TMEM260: variants seen among roughly 807,000 people sequenced by gnomAD.
TMEM260 encodes protein O-mannosyl-transferase TMEM260.
Under a neutral mutation model 88.9 loss-of-function variants are expected in TMEM260, and 82 were observed. The ratio of observed to expected loss-of-function variants is 0.92; its 90% CI spans 0.77 to 1.11. TMEM260 has a LOEUF of 1.11. Ranked by LOEUF, TMEM260 falls within the 50% of genes least tolerant of loss-of-function variation. The pLI is 0.00. For synonymous variants in TMEM260, 314 were observed against 309.3 expected (o/e 1.02, Z -0.16); for missense variants, 902 against 853.4 (o/e 1.06, Z -0.71).
chr14:56,638,939 T>C (rs1889345721), intron 15 of TMEM260, among the ~76,000 whole-genome samples: 1 of 152,140 alleles, frequency 6.6e-6, no homozygotes. Flanking sequence ...CGAAGAATGA[T>C]GGGCTTCTCA....
rs556734515 is a variant in TMEM260 at position 56,612,639 on chromosome 14, T to C, written c.857+354T>C. The C allele has an allele frequency of 4.7e-5, 9 of 191,192 alleles. No homozygotes were observed. In the South Asian group the frequency reaches 1.2e-3, roughly 26 times the overall value. The allele number at this position is 191,192 out of a possible 1,614,324, so 11.8% of individuals were successfully genotyped here. On this transcript the variant is annotated intron_variant, in intron 7 of 15. Transcript: ENST00000261556. ...TAAATAGTTGTTATGCTGTATTGTC[T>C]AGGGAATTATGACAAGAAAAAACAT... is the stretch of plus-strand genomic sequence containing the variant.
intron 7 of TMEM260, 124 bp downstream of exon 7, chr14:56,612,409 T>G: frequency 1.2e-6 from 1 of 804,720 alleles, no homozygotes; most frequent in Admixed American, 2.2e-5. Context: ...TTGTTACCTC[T>G]ACAGTTAACA....
At chr14:56,596,825 G>A (rs2139531631) in intron 3 of TMEM260, among the ~76,000 whole-genome samples, 2 of 146,434 alleles carry the variant, frequency 1.4e-5, no homozygotes, top group Non-Finnish European at 3.0e-5. Context: ...ACACCAATAT[G>A]CTGATAGGTT....
At chr14:56,583,038 A>G (rs1476442190) in intron 1 of TMEM260, among the ~76,000 whole-genome samples, 3 of 152,208 alleles carry the variant, frequency 2.0e-5, no homozygotes, top group Admixed American at 2.0e-4. Flanking sequence ...TTAATGTTAA[A>G]TGTAATTCTG....
At chr14:56,604,075 C>T (rs1886742260) in intron 4 of TMEM260, 83 bp downstream of exon 4, 3 of 1,327,680 alleles carry the variant, frequency 2.3e-6, no homozygotes, top group Non-Finnish European at 2.0e-6. Flanking sequence ...GGCTTAAATA[C>T]CTTTTATCTA....
chr14:56,618,723 GC>G lies in TMEM260; in HGVS notation c.1187del (p.Ala396GlufsTer5). Reference protein sequence around the residue: ...NGLQCLEWLSATLFVVYQIYS... With the variant: ...NGLQCLEWLSXTLFVVYQIYS... ...GCTTCAGTGTCTGGAATGGCTTTCT[GC>G]AACTCTTTTTGTAGTTTACCAAATA... On this transcript the variant is annotated frameshift_variant, in exon 10 of 16. Coordinates refer to ENST00000261556, the MANE Select transcript of TMEM260 (RefSeq NM_017799.4). LOFTEE classifies it high-confidence loss of function. 3 of 1,614,130 alleles carry G rather than the reference GC, an allele frequency of 1.9e-6. No individual in the cohort carries two copies. Among genetic ancestry groups the G allele is most frequent in the Non-Finnish European group, 2.5e-6 (3 of 1,180,016 alleles).
intron 1 of TMEM260, 152 bp from the exon 2 acceptor site, chr14:56,584,849 T>TA: frequency 1.6e-6 from 1 of 606,478 alleles, no homozygotes; most frequent in Non-Finnish European, 2.9e-6. Context: ...AAAATATTCT[T>TA]AGACTATTTC....
Position 56,649,185 on chromosome 14 carries a change from C to A in TMEM260, c.*1688C>A, listed in dbSNP as rs1890135435. The A allele has an allele frequency of 6.6e-6, 1 of 152,606 alleles. No homozygotes were observed. The highest frequency in any genetic ancestry group is 1.5e-5 in the Non-Finnish European group (1 of 68,038). The allele number at this position is 152,606 out of a possible 1,614,324, so 9.5% of individuals were successfully genotyped here. ...ATTAATCCGCTTTTGGCTCTCAGTG[C>A]CTTTTGCCCTTTTATCACAGCCTTA... On this transcript the variant is annotated 3_prime_UTR_variant, in exon 16 of 16. Coordinates refer to ENST00000261556, the MANE Select transcript of TMEM260 (RefSeq NM_017799.4).
chr14:56,599,496 A>G (rs950068174), intron 3 of TMEM260, among the ~76,000 whole-genome samples: 10 of 152,116 alleles, frequency 6.6e-5, no homozygotes, highest in Admixed American at 3.3e-4. Context: ...TCCATAACAG[A>G]TGTTTCAAGT....
Position 56,585,734 on chromosome 14 carries a change from T to TTC in TMEM260, c.193-25_193-24dup, listed in dbSNP as rs777897605. ...ACTCTTCCTTTCCTAGATGAAAACC[T>TTC]TCTAACTGTTGCTAATTTTTCCGTA... On this transcript the variant is annotated intron_variant, in intron 2 of 15. Transcript: ENST00000261556. The TTC allele has an allele frequency of 3.7e-6, 6 of 1,608,368 alleles. No individual in the cohort carries two copies. In the East Asian group the frequency reaches 1.3e-4, roughly 36 times the overall value.
chr14:56,606,836 A>G (rs1044454087), intron 5 of TMEM260, among the ~76,000 whole-genome samples: 1 of 152,238 alleles, frequency 6.6e-6, no homozygotes, highest in Non-Finnish European at 1.5e-5. Flanking sequence ...AGGAGGTTGC[A>G]GTGAGCCGAT....
At chr14:56,660,573 A>T in the TMEM260 span, among the ~76,000 whole-genome samples, 1 of 152,150 alleles carries the variant, frequency 6.6e-6, no homozygotes, top group Non-Finnish European at 1.5e-5. Context: ...AGGCTTAGAG[A>T]TGGGGAATTT....
rs1216607729 is a variant in TMEM260 at position 56,631,827 on chromosome 14, T to TTCTA, written c.1548-1160_1548-1157dup. Among the ~76,000 whole-genome samples, 75 of 152,254 alleles carry TTCTA rather than the reference T, an allele frequency of 4.9e-4. 1 individual carries two copies. The highest frequency in any genetic ancestry group is 1.7e-3 in the African/African-American group (72 of 41,542). On this transcript the variant is annotated intron_variant, in intron 12 of 15. Transcript: ENST00000261556. ...GCTGCTGATCACCAGTTTCAGGTGT[T>TTCTA]TCTATCTATCTGTTGGGAAACTGCC...
intron 5 of TMEM260, among the ~76,000 whole-genome samples, chr14:56,608,041 T>C (rs74052064): frequency 0.048 from 7,369 of 152,312 alleles, 452 homozygotes; most frequent in African/African-American, 0.14. Flanking sequence ...AGGCATGTTG[T>C]TAGATTAGTT....
intron 8 of TMEM260, 149 bp downstream of exon 8, chr14:56,616,176 G>C: frequency 1.7e-6 from 1 of 578,426 alleles, no homozygotes; most frequent in East Asian, 2.8e-5. Context: ...AACGTGTATT[G>C]CTTTCTTCTA....
intron 11 of TMEM260, among the ~76,000 whole-genome samples, chr14:56,622,139 C>T (rs1000993999): frequency 3.3e-5 from 5 of 151,744 alleles, no homozygotes; most frequent in Admixed American, 1.3e-4. Context: ...GTCAGGAGAT[C>T]GAGACCATCC....
At chr14:56,619,374 T>C (rs561496434) in intron 10 of TMEM260, 1 of 152,922 alleles carries the variant, frequency 6.5e-6, no homozygotes, top group Admixed American at 6.5e-5. Context: ...GGTCTCACTA[T>C]GTTGCCTAGG....
intron 3 of TMEM260, among the ~76,000 whole-genome samples, chr14:56,599,990 C>T (rs116580428): frequency 3.3e-5 from 5 of 152,116 alleles, no homozygotes; most frequent in African/African-American, 1.2e-4. Context: ...TAGTCAGATA[C>T]AGTAGACAAT....
intron 7 of TMEM260, among the ~76,000 whole-genome samples, chr14:56,614,294 C>T (rs868021937): frequency 1.0e-4 from 15 of 150,656 alleles, no homozygotes; most frequent in Admixed American, 4.0e-4. Flanking sequence ...GTGAGAGGAT[C>T]GCTTGAGCCC....
Sources: gnomAD v4.1 joint callset for allele counts (sites outside exome capture counted in the v4.1 genomes callset) on GRCh38, gnomAD v4.1.1 for gene constraint, MANE v1.5 for transcripts, NCBI Gene and HGNC (gene_info 2026-07-23, HGNC 2026-07-21) for gene names.